AGBL4: variants seen among roughly 807,000 people sequenced by gnomAD.
AGBL4 encodes cytosolic carboxypeptidase 6.
In AGBL4, 58 loss-of-function variants were observed where a neutral mutation model predicts 66.4. The ratio of observed to expected loss-of-function variants is 0.87; its 90% CI spans 0.71 to 1.09. The LOEUF is 1.09. Ranked by LOEUF, AGBL4 falls within the 50% of genes least tolerant of loss-of-function variation. The probability of loss-of-function intolerance (pLI) is 0.00; values close to 1 mark genes in which losing one functional copy is unlikely to be tolerated. For synonymous variants in AGBL4, 234 were observed against 222.9 expected, an observed-to-expected ratio of 1.05 and a Z score of -0.44; for missense variants, 579 against 631.0, an observed-to-expected ratio of 0.92 and a Z score of 0.88.
chr1:49,269,981 T>C (rs554310513), intron 3 of AGBL4, among the ~76,000 whole-genome samples: 1 of 152,272 alleles, frequency 6.6e-6, no homozygotes, highest in South Asian at 2.1e-4. Context: ...CATAAACTGA[T>C]GAAAAAATAT....
chr1:48,598,317 G>C (rs1241838630), intron 9 of AGBL4, among the ~76,000 whole-genome samples: 1 of 152,128 alleles, frequency 6.6e-6, no homozygotes, highest in East Asian at 1.9e-4. Flanking sequence ...TACTGATGGA[G>C]ATAAATTCTG....
intron 4 of AGBL4, among the ~76,000 whole-genome samples, chr1:49,047,103 T>G (rs1483213188): frequency 6.6e-6 from 1 of 152,216 alleles, no homozygotes; most frequent in Non-Finnish European, 1.5e-5. Context: ...CTTAGTGTCT[T>G]TCTGAAGCTA....
chr1:49,825,643 T>C (rs975363355), intron 2 of AGBL4, among the ~76,000 whole-genome samples: 1 of 152,158 alleles, frequency 6.6e-6, no homozygotes, highest in Non-Finnish European at 1.5e-5. Flanking sequence ...CCCTCCATAA[T>C]GTGGGTAGAC....
chr1:49,269,166 G>C (rs938613874), intron 3 of AGBL4: 1 of 152,018 alleles, frequency 6.6e-6, no homozygotes, highest in African/African-American at 2.4e-5. Context: ...ACATATAGAC[G>C]GTTGACTTCC....
chr1:49,018,281 G>A (rs1662973617), intron 5 of AGBL4, among the ~76,000 whole-genome samples: 1 of 152,092 alleles, frequency 6.6e-6, no homozygotes, highest in Non-Finnish European at 1.5e-5. Flanking sequence ...CACGTGAGGT[G>A]AGCCCCCACA....
At chr1:48,530,330 A>G (rs1643898605), downstream of AGBL4, among the ~76,000 whole-genome samples, 1 of 152,232 alleles carries the variant, frequency 6.6e-6, no homozygotes, top group African/African-American at 2.4e-5. Context: ...TACACCTGAC[A>G]CACAGTATAT....
At chr1:49,459,947 T>C (rs141930834) in intron 3 of AGBL4, among the ~76,000 whole-genome samples, 118 of 151,362 alleles carry the variant, frequency 7.8e-4, no homozygotes, top group African/African-American at 2.6e-3. Context: ...AGGTTACTTA[T>C]CCAATTTTAT....
At chr1:49,024,754 T>C (rs1663513543) in intron 5 of AGBL4, among the ~76,000 whole-genome samples, 1 of 152,156 alleles carries the variant, frequency 6.6e-6, no homozygotes. Flanking sequence ...GTATTACAAA[T>C]GCGTTATATC....
chr1:48,814,485 A>G (rs1646128793), intron 6 of AGBL4, among the ~76,000 whole-genome samples: 1 of 152,124 alleles, frequency 6.6e-6, no homozygotes, highest in Non-Finnish European at 1.5e-5. Context: ...TTCTAGCTGA[A>G]ATTATATAAC....
intron 3 of AGBL4, among the ~76,000 whole-genome samples, chr1:49,539,129 T>C (rs989524363): frequency 1.3e-5 from 2 of 152,138 alleles, no homozygotes; most frequent in African/African-American, 4.8e-5. Flanking sequence ...TATTTATTGA[T>C]ATGGAAATAT....
intron 6 of AGBL4, among the ~76,000 whole-genome samples, chr1:48,777,927 C>G (rs1212842750): frequency 6.6e-6 from 1 of 152,078 alleles, no homozygotes; most frequent in African/African-American, 2.4e-5. Flanking sequence ...GGGCTTGGGT[C>G]CCCTCCAAGA....
At chr1:49,790,759 T>G (rs2147927510) in intron 2 of AGBL4, among the ~76,000 whole-genome samples, 1 of 152,166 alleles carries the variant, frequency 6.6e-6, no homozygotes, top group East Asian at 1.9e-4. Context: ...CAATAAGAAA[T>G]GTGTAAGATG....
intron 4 of AGBL4, among the ~76,000 whole-genome samples, chr1:49,239,081 TAATGCAGA>T (rs1355576620): frequency 6.6e-6 from 1 of 152,188 alleles, no homozygotes; most frequent in Non-Finnish European, 1.5e-5. Flanking sequence ...CTTTTCTTTT[TAATGCAGA>T]AATATTTGTT....
At chr1:49,399,329 T>C (rs531735405) in intron 3 of AGBL4, among the ~76,000 whole-genome samples, 9 of 152,308 alleles carry the variant, frequency 5.9e-5, no homozygotes, top group Non-Finnish European at 1.0e-4. Context: ...CTCTTCGATA[T>C]ACTGATTTCC....
intron 2 of AGBL4, among the ~76,000 whole-genome samples, chr1:49,835,112 A>G (rs1307188300): frequency 6.6e-6 from 1 of 152,124 alleles, no homozygotes; most frequent in Non-Finnish European, 1.5e-5. Context: ...GCTGAGTTCA[A>G]GTCCTGAATA....
At chr1:49,074,935 A>G (rs1300576293) in intron 4 of AGBL4, among the ~76,000 whole-genome samples, 1 of 152,204 alleles carries the variant, frequency 6.6e-6, no homozygotes, top group Non-Finnish European at 1.5e-5. Context: ...CCTAAACTCC[A>G]TGTATACGCA....
intron 5 of AGBL4, among the ~76,000 whole-genome samples, chr1:48,909,930 C>A (rs910398884): frequency 2.0e-5 from 3 of 152,202 alleles, no homozygotes; most frequent in Non-Finnish European, 2.9e-5. Context: ...TTCCTTCTCA[C>A]TAAATCCTCT....
intron 3 of AGBL4, among the ~76,000 whole-genome samples, chr1:49,520,551 C>G (rs1001275363): frequency 6.6e-6 from 1 of 151,898 alleles, no homozygotes; most frequent in Non-Finnish European, 1.5e-5. Flanking sequence ...TCTACTTTAC[C>G]CTGAACTTTG....
intron 2 of AGBL4, among the ~76,000 whole-genome samples, chr1:49,784,909 A>G (rs748358192): frequency 1.2e-4 from 18 of 152,002 alleles, no homozygotes; most frequent in Non-Finnish European, 2.5e-4. Context: ...CTTCACACCC[A>G]ATAGGATAAC....
Sources: allele counts gnomAD v4.1 joint callset (sites outside exome capture counted in the v4.1 genomes callset), GRCh38; gene constraint gnomAD v4.1.1; transcripts MANE v1.5; gene names NCBI Gene and HGNC (gene_info 2026-07-23, HGNC 2026-07-21).